Variants in CEP162 observed in about 807,000 individuals in gnomAD.
The protein encoded by CEP162 is centrosomal protein of 162 kDa.
Under a neutral mutation model 169.2 loss-of-function variants are expected in CEP162, and 141 were observed. The observed-to-expected ratio is 0.83, with a 90% confidence interval of 0.73 to 0.96. CEP162 has a LOEUF of 0.96. CEP162 is among the 40% of genes least tolerant of loss of function. The pLI is 0.00. For missense variants in CEP162, 1,600 were observed against 1,587.2 expected, an observed-to-expected ratio of 1.01 and a Z score of -0.14; for synonymous variants, 540 against 526.4, an observed-to-expected ratio of 1.03 and a Z score of -0.35.
chr6:84,200,003 C>A (rs2099543808), intron 9 of CEP162, among the ~76,000 whole-genome samples: 1 of 152,206 alleles, frequency 6.6e-6, no homozygotes, highest in Non-Finnish European at 1.5e-5. Context: ...GCAATCCCAG[C>A]ACTTTGGGAG....
At position 84,160,924 on chromosome 6, in the gene CEP162, T is replaced by A. The variant is rs1193626167; in HGVS notation, c.2677-8A>T. ...AGCTTTCAGTTTCTCAATCTGTCAA[T>A]AAATAAATAACATGTTAAGAAGCAT... is the stretch of plus-strand genomic sequence containing the variant. On this transcript the variant is annotated splice_region_variant and splice_polypyrimidine_tract_variant and intron_variant, in intron 20 of 26. Transcript: ENST00000403245. The A allele has an allele frequency of 2.6e-6, 4 of 1,549,470 alleles. No individual in the cohort carries two copies. Among genetic ancestry groups the A allele is most frequent in the Non-Finnish European group, 3.6e-6 (4 of 1,123,056 alleles).
intron 23 of CEP162, among the ~76,000 whole-genome samples, chr6:84,150,252 T>C (rs1463282881): frequency 6.6e-6 from 1 of 152,170 alleles, no homozygotes; most frequent in Non-Finnish European, 1.5e-5. Flanking sequence ...GAAAGACTAT[T>C]CATTTGTCTC....
At chr6:84,190,020 C>G (rs1443773305) in intron 11 of CEP162, among the ~76,000 whole-genome samples, 1 of 151,756 alleles carries the variant, frequency 6.6e-6, no homozygotes, top group African/African-American at 2.4e-5. Flanking sequence ...AATCAGCACC[C>G]TGTGTTTAGC....
At chr6:84,220,396 TG>T (rs1293837491) in intron 3 of CEP162, among the ~76,000 whole-genome samples, 1 of 151,836 alleles carries the variant, frequency 6.6e-6, no homozygotes, top group Non-Finnish European at 1.5e-5. Context: ...GAGGCCAAGG[TG>T]GGAGGACTGC....
In CEP162 at chr6:84,125,245, G is replaced by A. The variant is rs753891656; in HGVS notation, c.4037C>T (p.Thr1346Ile). The change falls in exon 27 of 27, where the codon ACT becomes ATT. Residue 1346 changes from threonine (T) to isoleucine (I), a missense_variant. By Grantham distance (89) the Thr-to-Ile change is moderately conservative (BLOSUM62 -1). Transcript: ENST00000403245. ...IIQQTHQVVETEQNKEVEKWK... is the reference protein window; with the variant it reads ...IIQQTHQVVEIEQNKEVEKWK... ...TTTTTCAACTTCTTTGTTTTGCTCA[G>A]TTTCTACTACTTGGTGTGTTTGCTG... 24 of 1,613,278 alleles carry A rather than the reference G, an allele frequency of 1.5e-5. No homozygotes were observed. The highest frequency in any genetic ancestry group is 1.9e-5 in the Non-Finnish European group (22 of 1,179,548).
At chr6:84,198,381 G>A (rs1201676033) in intron 9 of CEP162, among the ~76,000 whole-genome samples, 5 of 152,038 alleles carry the variant, frequency 3.3e-5, no homozygotes, top group Non-Finnish European at 7.4e-5. Context: ...AGGTTCAAGC[G>A]ATTCTCCTGC....
chr6:84,146,643 C>T (rs1353060170), intron 25 of CEP162, 44 bp downstream of exon 25: 6 of 864,674 alleles, frequency 6.9e-6, no homozygotes, highest in African/African-American at 1.7e-5. Context: ...ATTGAAATGC[C>T]TAAGAAAAAC....
Position 84,125,032 on chromosome 6 carries a change from G to T in CEP162, c.*38C>A. The stretch of plus-strand genomic sequence containing the variant: ...AGTGGCACAATCCCATCCATCTTCA[G>T]GCCTTTTAATAAGGTCATTATGAAA... On this transcript the variant is annotated 3_prime_UTR_variant, in exon 27 of 27. Transcript: ENST00000403245. 6.8e-7 allele frequency: 1 copy of T among 1,466,178 alleles called. No individual in the cohort carries two copies. Among genetic ancestry groups the T allele is most frequent in the Non-Finnish European group, 9.5e-7 (1 of 1,053,834 alleles). The allele number at this position is 1,466,178 out of a possible 1,614,324, so 90.8% of individuals were successfully genotyped here.
At chr6:84,201,074 C>T (rs113448915) in intron 8 of CEP162, among the ~76,000 whole-genome samples, 169 bp from the exon 9 acceptor site, 4 of 152,206 alleles carry the variant, frequency 2.6e-5, no homozygotes, top group South Asian at 4.1e-4. Context: ...GTCAGGAGAT[C>T]GAGACCATCC....
chr6:84,159,832 T>C (rs1227940625), intron 21 of CEP162, among the ~76,000 whole-genome samples: 1 of 151,858 alleles, frequency 6.6e-6, no homozygotes, highest in Non-Finnish European at 1.5e-5. Flanking sequence ...TTCTCCTGCC[T>C]CTGCCTCCCA....
Position 84,196,277 on chromosome 6 carries a change from C to T in CEP162, c.836-1202G>A, listed in dbSNP as rs149752431. On this transcript the variant is annotated intron_variant, in intron 9 of 26. Transcript: ENST00000403245. Reference sequence around the variant, plus strand: ...AAAAACAAGAGTTTCCCTGCACAAGCTCTCTTTGCCTGCCGCTATCCATGT... The same window carrying T: ...AAAAACAAGAGTTTCCCTGCACAAGTTCTCTTTGCCTGCCGCTATCCATGT... Among the ~76,000 whole-genome samples the T allele has an allele frequency of 3.4e-3, 523 of 152,310 alleles. 3 individuals are homozygous for T. Among genetic ancestry groups the T allele is most frequent in the African/African-American group, 0.012 (481 of 41,574 alleles).
At chr6:84,211,294 C>T (rs1236246797) in intron 6 of CEP162, among the ~76,000 whole-genome samples, 1 of 150,898 alleles carries the variant, frequency 6.6e-6, no homozygotes, top group Non-Finnish European at 1.5e-5. Context: ...TTTGGGAGGT[C>T]AAGGCAGGCA....
chr6:84,153,220 C>T (rs374023891), intron 22 of CEP162, 41 bp from the exon 23 acceptor site: 26 of 1,547,132 alleles, frequency 1.7e-5, no homozygotes, highest in African/African-American at 8.3e-5. Flanking sequence ...ACCTGTTAAA[C>T]GTTTCATTAG....
chr6:84,188,731 T>C (rs2127717098), intron 11 of CEP162, among the ~76,000 whole-genome samples: 1 of 152,304 alleles, frequency 6.6e-6, no homozygotes, highest in East Asian at 1.9e-4. Flanking sequence ...ACAATTTATA[T>C]TCCTTTTGGT....
At chr6:84,145,768 A>G (rs908518635) in intron 25 of CEP162, among the ~76,000 whole-genome samples, 2 of 152,170 alleles carry the variant, frequency 1.3e-5, no homozygotes, top group Admixed American at 6.6e-5. Flanking sequence ...AACAGCTAAT[A>G]TACGGACAAT....
At chr6:84,188,497 C>T (rs1035051743) in intron 11 of CEP162, among the ~76,000 whole-genome samples, 3 of 152,116 alleles carry the variant, frequency 2.0e-5, no homozygotes, top group Non-Finnish European at 2.9e-5. Flanking sequence ...GTTTTCTGTT[C>T]CTGCATTAGT....
chr6:84,190,425 CTG>C (rs1203508376), intron 11 of CEP162, among the ~76,000 whole-genome samples: 1 of 152,144 alleles, frequency 6.6e-6, no homozygotes, highest in Non-Finnish European at 1.5e-5. Context: ...CCCTTCCACA[CTG>C]TGGAAGCTTT....
At chr6:84,199,024 T>C (rs1344000525) in intron 9 of CEP162, among the ~76,000 whole-genome samples, 2 of 152,370 alleles carry the variant, frequency 1.3e-5, no homozygotes, top group African/African-American at 4.8e-5. Context: ...TTAATGCTCA[T>C]CTCAGAATAA....
chr6:84,174,648 G>A (rs935163410), intron 15 of CEP162, 79 bp downstream of exon 15: 12 of 685,944 alleles, frequency 1.7e-5, no homozygotes, highest in African/African-American at 1.7e-4. Flanking sequence ...AACCAAGGAT[G>A]ACAATGTATT....
Sources: gnomAD v4.1 joint callset for allele counts (sites outside exome capture counted in the v4.1 genomes callset) on GRCh38, gnomAD v4.1.1 for gene constraint, MANE v1.5 for transcripts, NCBI Gene and HGNC (gene_info 2026-07-23, HGNC 2026-07-21) for gene names.